RNF17: variants seen among roughly 807,000 people sequenced by gnomAD.
RNF17 encodes the protein ring finger protein 17, also known as spermatogenesis associated 23.
In RNF17, 31 loss-of-function variants were observed where a neutral mutation model predicts 200.5. The ratio of observed to expected loss-of-function variants is 0.15; its 90% CI spans 0.12 to 0.21. The LOEUF (loss-of-function observed/expected upper bound fraction) is 0.21, where lower values mean the gene tolerates loss of function less well. Ranked by LOEUF, RNF17 falls within the 10% of genes least tolerant of loss-of-function variation. RNF17 has a pLI of 1.00. For missense variants in RNF17, 1,628 were observed against 1,905.1 expected, an observed-to-expected ratio of 0.85 and a Z score of 2.71; for synonymous variants, 606 against 637.8, an observed-to-expected ratio of 0.95 and a Z score of 0.75.
intron 15 of RNF17, among the ~76,000 whole-genome samples, chr13:24,810,957 T>G (rs1886528455): frequency 1.3e-5 from 2 of 151,662 alleles, no homozygotes; most frequent in Admixed American, 1.3e-4. Context: ...TTTAAGAATG[T>G]TGAATATTGG....
At chr13:24,795,012 C>T (rs920961589) in intron 10 of RNF17, among the ~76,000 whole-genome samples, 3 of 152,186 alleles carry the variant, frequency 2.0e-5, no homozygotes, top group African/African-American at 4.8e-5. Flanking sequence ...AGCCATCGTG[C>T]GCAGCCAGGA....
intron 6 of RNF17, among the ~76,000 whole-genome samples, chr13:24,782,612 G>C (rs375425146): frequency 2.6e-5 from 4 of 151,484 alleles, no homozygotes; most frequent in African/African-American, 4.8e-5. Context: ...AGATGGGGGG[G>C]GGATCTTTGA....
chr13:24,764,902 TG>T (rs1879410658), intron 1 of RNF17, among the ~76,000 whole-genome samples: 1 of 54,378 alleles, frequency 1.8e-5, no homozygotes, highest in African/African-American at 5.3e-5. Flanking sequence ...TGTGTGTGTG[TG>T]TGTGTGTGTG....
At chr13:24,754,173 AAAAAT>A in the RNF17 span, among the ~76,000 whole-genome samples, 153 of 152,018 alleles carry the variant, frequency 1.0e-3, no homozygotes, top group African/African-American at 3.4e-3. Flanking sequence ...AAATTAAAAA[AAAAAT>A]AAAATAAAAT....
At chr13:24,812,017 G>A (rs372991197) in intron 15 of RNF17, among the ~76,000 whole-genome samples, 9,296 of 151,456 alleles carry the variant, frequency 0.061, 381 homozygotes, top group East Asian at 0.15. Flanking sequence ...CTCCAGCTGC[G>A]TGCTGGGAGA....
intron 3 of RNF17, among the ~76,000 whole-genome samples, chr13:24,776,469 C>T (rs1293044185): frequency 6.6e-6 from 1 of 152,120 alleles, no homozygotes; most frequent in Non-Finnish European, 1.5e-5. Context: ...GCTGGTTATT[C>T]ACAGAACCAG....
downstream of RNF17, chr13:24,882,418 CA>C (rs1295033796): frequency 6.6e-6 from 1 of 151,926 alleles, no homozygotes; most frequent in Non-Finnish European, 1.5e-5. Flanking sequence ...TATAAATTTA[CA>C]AGTAAGTAAG....
chr13:24,868,448 C>T (rs1329282438), intron 30 of RNF17, 152 bp from the exon 31 acceptor site: 25 of 397,900 alleles, frequency 6.3e-5, no homozygotes, highest in South Asian at 6.4e-5. Context: ...CCAGCCTGGG[C>T]GACAGAGCGA....
chr13:24,828,688 T>A (rs1397913347), intron 16 of RNF17, among the ~76,000 whole-genome samples: 1 of 152,134 alleles, frequency 6.6e-6, no homozygotes, highest in Non-Finnish European at 1.5e-5. Context: ...AAAATTCTAT[T>A]GTGAGTTCAT....
At chr13:24,885,302 C>G in the RNF17 span, 20 of 1,611,854 alleles carry the variant, frequency 1.2e-5, no homozygotes, top group African/African-American at 1.9e-4. Flanking sequence ...CTGATTTCTC[C>G]CTGTATGTCT....
At chr13:24,862,252 G>A (rs1339873891) in intron 27 of RNF17, among the ~76,000 whole-genome samples, 5 of 152,150 alleles carry the variant, frequency 3.3e-5, no homozygotes, top group Non-Finnish European at 7.3e-5. Context: ...AGGATCAACT[G>A]GGGACAGAGG....
chr13:24,797,447 A>G (rs1884698096), intron 11 of RNF17, among the ~76,000 whole-genome samples: 1 of 152,170 alleles, frequency 6.6e-6, no homozygotes, highest in South Asian at 2.1e-4. Flanking sequence ...ATCCATTGAA[A>G]GAAAGAATAG....
intron 33 of RNF17, 105 bp from the exon 34 acceptor site, chr13:24,876,892 A>C: frequency 1.1e-6 from 1 of 903,160 alleles, no homozygotes; most frequent in Admixed American, 3.0e-5. Context: ...CAAAAAAATC[A>C]CTGCAAAATC....
chr13:24,764,545 C>T (rs1336654569), intron 1 of RNF17, among the ~76,000 whole-genome samples: 1 of 152,254 alleles, frequency 6.6e-6, no homozygotes, highest in Non-Finnish European at 1.5e-5. Context: ...TCACGGCTTT[C>T]TCCAATTACC....
intron 34 of RNF17, among the ~76,000 whole-genome samples, chr13:24,878,174 T>C (rs189638476): frequency 1.3e-5 from 2 of 152,300 alleles, no homozygotes; most frequent in Admixed American, 1.3e-4. Context: ...CCTGACACAC[T>C]GGCTATGACA....
chr13:24,757,897 T>C, the RNF17 span, among the ~76,000 whole-genome samples: 5 of 152,170 alleles, frequency 3.3e-5, no homozygotes, highest in Admixed American at 1.3e-4. Flanking sequence ...ATCCCCAATG[T>C]TGGAGGTGGG....
upstream of RNF17, among the ~76,000 whole-genome samples, chr13:24,762,471 G>C (rs1051948853): frequency 2.0e-5 from 3 of 151,298 alleles, no homozygotes; most frequent in Admixed American, 1.3e-4. Flanking sequence ...CAAAACTGTA[G>C]AAGAGTCAAC....
intron 10 of RNF17, among the ~76,000 whole-genome samples, chr13:24,793,848 C>G (rs575312444): frequency 1.3e-5 from 2 of 152,270 alleles, no homozygotes; most frequent in Non-Finnish European, 1.5e-5. Flanking sequence ...AGATACTACA[C>G]TATGTAGTTT....
At chr13:24,796,873 T>C (rs1442160410) in intron 11 of RNF17, among the ~76,000 whole-genome samples, 2 of 152,232 alleles carry the variant, frequency 1.3e-5, no homozygotes, top group African/African-American at 4.8e-5. Flanking sequence ...TCATTTGTAT[T>C]AATAGAGTAT....
Sources: allele counts gnomAD v4.1 joint callset (sites outside exome capture counted in the v4.1 genomes callset), GRCh38; gene constraint gnomAD v4.1.1; transcripts MANE v1.5; gene names NCBI Gene and HGNC (gene_info 2026-07-23, HGNC 2026-07-21).